CDKL5: variants seen among roughly 807,000 people sequenced by gnomAD.
The protein encoded by CDKL5 is cyclin-dependent kinase-like 5.
A neutral mutation model predicts 61.7 loss-of-function variants in CDKL5; 8 were observed. The ratio of observed to expected loss-of-function variants is 0.13; its 90% CI spans 0.08 to 0.23. CDKL5 has a LOEUF of 0.23. Ranked by LOEUF, CDKL5 falls within the 10% of genes least tolerant of loss-of-function variation. The pLI is 1.00. For missense variants in CDKL5, 440 were observed against 734.5 expected, an observed-to-expected ratio of 0.60 and a Z score of 4.63; for synonymous variants, 275 against 272.3, an observed-to-expected ratio of 1.01 and a Z score of -0.10.
intron 1 of CDKL5, among the ~76,000 whole-genome samples, chrX:18,444,490 A>T (rs1384829564): frequency 1.8e-5 from 2 of 111,826 alleles, no homozygotes; most frequent in East Asian, 5.6e-4. Flanking sequence ...ACATATATAT[A>T]CATGTTTTAA....
chrX:18,599,066 T>C (rs1391618453), intron 11 of CDKL5, among the ~76,000 whole-genome samples: 1 of 112,787 alleles, frequency 8.9e-6, no homozygotes, highest in East Asian at 2.8e-4. Context: ...CAGAGAGGTC[T>C]TGTGTTTTTG....
intron 3 of CDKL5, among the ~76,000 whole-genome samples, chrX:18,551,425 A>T (rs1924378950): frequency 9.2e-6 from 1 of 108,662 alleles, no homozygotes; most frequent in African/African-American, 3.3e-5. Context: ...GGATTTCTGG[A>T]TATGTGGGTT....
At chrX:18,429,560 G>A (rs773049997) in intron 1 of CDKL5, among the ~76,000 whole-genome samples, 22 of 112,066 alleles carry the variant, frequency 2.0e-4, no homozygotes, top group African/African-American at 7.1e-4. Flanking sequence ...CAGCAAAATT[G>A]CCATCCAAAC....
In CDKL5 at chrX:18,440,661, C is replaced by T. The variant is rs5955966; in HGVS notation, c.-163+14966C>T. ...GGTAATTTTGTATTTTTAGTAGAGA[C>T]GGCGTTTCACTGTGTTGGTCAGGCT... On this transcript the variant is annotated intron_variant, in intron 1 of 17. Transcript: ENST00000623535. 7.7e-3 allele frequency among the ~76,000 whole-genome samples: 859 copies of T among 111,794 alleles called. 7 individuals carry two copies. Among genetic ancestry groups the T allele is most frequent in the African/African-American group, 0.026 (804 of 30,787 alleles).
intron 4 of CDKL5, 50 bp downstream of exon 4, chrX:18,564,572 T>C: frequency 2.0e-6 from 1 of 506,039 alleles, no homozygotes; most frequent in Non-Finnish European, 2.8e-6. Flanking sequence ...TATTTTTCCT[T>C]CTGTATAAAG....
At chrX:18,487,244 G>A (rs964037198) in intron 1 of CDKL5, among the ~76,000 whole-genome samples, 1 of 112,160 alleles carries the variant, frequency 8.9e-6, no homozygotes, top group Non-Finnish European at 1.9e-5. Context: ...AGGTAGAAGT[G>A]GCTTTGCAGA....
At chrX:18,491,994 A>G (rs763677529) in intron 1 of CDKL5, among the ~76,000 whole-genome samples, 40 of 110,738 alleles carry the variant, frequency 3.6e-4, no homozygotes, top group African/African-American at 1.2e-3. Flanking sequence ...GTGTGTGTGT[A>G]TGTGTTTCTG....
At chrX:18,466,668 G>A (rs1920963858) in intron 1 of CDKL5, among the ~76,000 whole-genome samples, 3 of 111,017 alleles carry the variant, frequency 2.7e-5, no homozygotes, top group Middle Eastern at 4.6e-3. Flanking sequence ...CCGCCACCAC[G>A]CCCAGATAAT....
At chrX:18,584,514 A>G (rs1043849079) in intron 8 of CDKL5, among the ~76,000 whole-genome samples, 161 bp downstream of exon 8, 3 of 112,336 alleles carry the variant, frequency 2.7e-5, no homozygotes, top group African/African-American at 9.7e-5. Context: ...GTATGAAACA[A>G]GCACCTTTTT....
In CDKL5 at chrX:18,625,135, A is replaced by G. The variant is rs863225067; in HGVS notation, c.2384A>G (p.Asn795Ser). The change falls in exon 17 of 18, where the codon AAT becomes AGT. Residue 795 changes from asparagine (N) to serine (S), a missense_variant. Asn to Ser is a conservative substitution (Grantham distance 46). Around this residue, in one of 2 missense-constraint regions of CDKL5, gnomAD observed 363 missense variants for 516.3 expected, o/e 0.70. Coordinates refer to ENST00000623535, the MANE Select transcript of CDKL5 (RefSeq NM_001323289.2). ...GTCCATATTTTGCTCTAGGTACCCA[A>G]TTCCGACAGCCCTGATCTTCTGACG... The part of the protein sequence containing the change: ...KKKKKSQTVP[N>S]SDSPDLLTLQ... 1 of 1,208,403 alleles carries G rather than the reference A, an allele frequency of 8.3e-7. No individual in the cohort carries two copies. Among genetic ancestry groups the G allele is most frequent in the Non-Finnish European group, 1.1e-6 (1 of 893,824 alleles).
chrX:18,459,540 C>T lies in CDKL5; in HGVS notation c.-163+33845C>T, dbSNP rs190148236. On this transcript the variant is annotated intron_variant, in intron 1 of 17. Transcript: ENST00000623535. ...TCGCGCCACTGCACTCCGGCCTGGG[C>T]GACAGAACGAGACTGCCTTAAAAAA... Among the ~76,000 whole-genome samples, 759 of 107,804 alleles carry T rather than the reference C, an allele frequency of 7.0e-3. 19 individuals are homozygous for T. Among genetic ancestry groups the T allele is most frequent in the Admixed American group, 0.056 (558 of 9,918 alleles). The allele number at this position is 107,804 out of a possible 115,157, so 93.6% of individuals were successfully genotyped here. A position where few individuals can be genotyped will look rare whatever the true frequency, so the allele number is the denominator to read the frequency against.
At chrX:18,440,754 T>TG (rs1312030143) in intron 1 of CDKL5, among the ~76,000 whole-genome samples, 4 of 111,889 alleles carry the variant, frequency 3.6e-5, no homozygotes, top group African/African-American at 9.7e-5. Context: ...TGTCTTTAAA[T>TG]GGGTATGTCT....
At position 18,635,780 on chromosome X, in the gene CDKL5, A is replaced by G. The variant is rs974873717; in HGVS notation, c.*7023A>G. 4 of 196,322 alleles carry G rather than the reference A, an allele frequency of 2.0e-5. No homozygotes were observed. Among genetic ancestry groups the G allele is most frequent in the Non-Finnish European group, 3.1e-5 (4 of 130,674 alleles). 16.2% of individuals were successfully genotyped at this position (196,322 alleles called of 1,213,427 possible). A position where few individuals can be genotyped will look rare whatever the true frequency, so the allele number is the denominator to read the frequency against. ...GGAGAAAGCAAAGATGCACAGCTTA[A>G]TAAGGGTTTTTTGATTCTAGAGGAG... On this transcript the variant is annotated 3_prime_UTR_variant, in exon 18 of 18. Transcript: ENST00000623535.
chrX:18,603,772 G>A (rs1926249184), intron 11 of CDKL5, 130 bp from the exon 12 acceptor site: 3 of 777,686 alleles, frequency 3.9e-6, no homozygotes, highest in Non-Finnish European at 5.9e-6. Flanking sequence ...TTATTCGAAG[G>A]CACATGCTTG....
intron 4 of CDKL5, among the ~76,000 whole-genome samples, chrX:18,569,538 G>A (rs1925072777): frequency 8.9e-6 from 1 of 111,977 alleles, no homozygotes; most frequent in Admixed American, 9.5e-5. Context: ...GAGATTTGAT[G>A]TTCAGATGAT....
intron 16 of CDKL5, among the ~76,000 whole-genome samples, chrX:18,623,265 G>A (rs985455040): frequency 1.8e-5 from 2 of 112,064 alleles, no homozygotes; most frequent in Admixed American, 9.5e-5. Flanking sequence ...TTGAAAACCA[G>A]TATCTGAATT....
chrX:18,442,824 T>G (rs1301612928), intron 1 of CDKL5, among the ~76,000 whole-genome samples: 1 of 112,340 alleles, frequency 8.9e-6, no homozygotes, highest in Non-Finnish European at 1.9e-5. Flanking sequence ...GTCTTGAATT[T>G]GAAATTAGTT....
chrX:18,579,333 A>G (rs1409885569), intron 5 of CDKL5, among the ~76,000 whole-genome samples: 2 of 111,718 alleles, frequency 1.8e-5, no homozygotes, highest in African/African-American at 3.3e-5. Context: ...CTTTATTTCA[A>G]TAGTATTTTC....
At chrX:18,432,185 G>A (rs1022664867) in intron 1 of CDKL5, among the ~76,000 whole-genome samples, 1 of 104,088 alleles carries the variant, frequency 9.6e-6, no homozygotes, top group East Asian at 3.0e-4. Flanking sequence ...TGCAACCTCT[G>A]CCTCCTGGGT....
Sources: allele counts gnomAD v4.1 joint callset (sites outside exome capture counted in the v4.1 genomes callset), GRCh38; gene constraint gnomAD v4.1.1; regional missense constraint gnomAD v4.1.1; transcripts MANE v1.5; gene names NCBI Gene and HGNC (gene_info 2026-07-23, HGNC 2026-07-21).